Variants in TENM3 observed in about 807,000 individuals in gnomAD.
The protein encoded by TENM3 is teneurin transmembrane protein 3, also known as teneurin-3.
A neutral mutation model predicts 255.1 loss-of-function variants in TENM3; 63 were observed. The observed-to-expected ratio is 0.25, with a 90% CI of 0.20 to 0.30. TENM3 has a LOEUF of 0.30. TENM3 is among the 10% of genes least tolerant of loss of function. The pLI is 1.00. For synonymous variants in TENM3, 1,306 were observed against 1,322.3 expected (o/e 0.99, Z 0.27); for missense variants, 2,929 against 3,461.1 (o/e 0.85, Z 3.86).
chr4:181,496,977 A>G, the TENM3 span, among the ~76,000 whole-genome samples: 1 of 151,888 alleles, frequency 6.6e-6, no homozygotes, highest in African/African-American at 2.4e-5. Context: ...TTAGATTCCA[A>G]TTATAAAAGG....
chr4:182,283,034 T>C (rs1490939526), intron 1 of TENM3, among the ~76,000 whole-genome samples: 1 of 152,190 alleles, frequency 6.6e-6, no homozygotes, highest in African/African-American at 2.4e-5. Flanking sequence ...CGACAATTTC[T>C]AACAGTGAAA....
chr4:182,039,744 C>T, the TENM3 span, among the ~76,000 whole-genome samples: 1 of 151,720 alleles, frequency 6.6e-6, no homozygotes, highest in African/African-American at 2.4e-5. Context: ...TCCACAGATG[C>T]TTTATCTTAG....
chr4:182,634,951 T>G (rs1751722136), intron 5 of TENM3, among the ~76,000 whole-genome samples: 1 of 152,170 alleles, frequency 6.6e-6, no homozygotes, highest in Admixed American at 6.5e-5. Context: ...ATTGACGCAT[T>G]GCTACATGCA....
the TENM3 span, among the ~76,000 whole-genome samples, chr4:182,130,032 G>C: frequency 2.6e-5 from 4 of 152,144 alleles, no homozygotes; most frequent in Admixed American, 6.5e-5. Context: ...TAAAACGTCA[G>C]AATAGTTTAC....
chr4:181,686,854 T>C, the TENM3 span, among the ~76,000 whole-genome samples: 2 of 152,314 alleles, frequency 1.3e-5, no homozygotes, highest in South Asian at 4.1e-4. Flanking sequence ...GCTTGGCATG[T>C]ACTTTGCTGA....
chr4:182,497,302 C>G (rs1735870996), intron 3 of TENM3, among the ~76,000 whole-genome samples: 1 of 152,126 alleles, frequency 6.6e-6, no homozygotes, highest in Non-Finnish European at 1.5e-5. Flanking sequence ...CTGTCCGCCT[C>G]TACCTCCAAA....
chr4:182,422,096 C>G (rs77273927), intron 3 of TENM3, among the ~76,000 whole-genome samples: 2,071 of 152,294 alleles, frequency 0.014, 48 homozygotes, highest in African/African-American at 0.046. Flanking sequence ...TGTGTTAAAA[C>G]TATTTGTAAT....
chr4:182,097,237 TA>T, the TENM3 span, among the ~76,000 whole-genome samples: 241 of 152,282 alleles, frequency 1.6e-3, no homozygotes, highest in African/African-American at 5.5e-3. Flanking sequence ...TTAAAACTAA[TA>T]AAGCCCTTAG....
At chr4:182,050,222 A>G in the TENM3 span, among the ~76,000 whole-genome samples, 2 of 152,060 alleles carry the variant, frequency 1.3e-5, no homozygotes, top group East Asian at 3.9e-4. Context: ...CAAACTCCTG[A>G]CCTCGGGTGA....
chr4:181,789,598 G>T, the TENM3 span, among the ~76,000 whole-genome samples: 1 of 152,034 alleles, frequency 6.6e-6, no homozygotes, highest in Non-Finnish European at 1.5e-5. Flanking sequence ...CTTAGACTGG[G>T]CACCCCAGCT....
intron 1 of TENM3, among the ~76,000 whole-genome samples, chr4:182,292,193 G>A (rs975744209): frequency 6.6e-6 from 1 of 152,148 alleles, no homozygotes; most frequent in East Asian, 1.9e-4. Flanking sequence ...GTAAAAAAAT[G>A]TAGGATATTA....
At chr4:181,512,250 T>C in the TENM3 span, among the ~76,000 whole-genome samples, 1 of 152,186 alleles carries the variant, frequency 6.6e-6, no homozygotes, top group East Asian at 1.9e-4. Flanking sequence ...TTATGCTGTG[T>C]TGTGGTCATC....
At chr4:182,601,473 G>A (rs1210898741) in intron 4 of TENM3, among the ~76,000 whole-genome samples, 2 of 152,164 alleles carry the variant, frequency 1.3e-5, no homozygotes, top group Non-Finnish European at 2.9e-5. Flanking sequence ...GGACAGAGAT[G>A]TAAAATGTTA....
chr4:182,241,576 C>A (rs139563392), upstream of TENM3, among the ~76,000 whole-genome samples: 18 of 128,792 alleles, frequency 1.4e-4, no homozygotes, highest in East Asian at 3.2e-3. Context: ...TGCTATGCTG[C>A]GATCTTGGCT....
At chr4:182,717,495 ACT>A (rs1759300096) in intron 13 of TENM3, among the ~76,000 whole-genome samples, 1 of 152,044 alleles carries the variant, frequency 6.6e-6, no homozygotes, top group African/African-American at 2.4e-5. Flanking sequence ...AAAGGTCTCC[ACT>A]CTCTATGAAA....
chr4:181,625,490 G>A, the TENM3 span, among the ~76,000 whole-genome samples: 8 of 152,084 alleles, frequency 5.3e-5, no homozygotes, highest in Admixed American at 3.3e-4. Context: ...CCTGCACTTC[G>A]CAGTCTCTGA....
chr4:181,537,079 T>C, the TENM3 span, among the ~76,000 whole-genome samples: 1 of 152,152 alleles, frequency 6.6e-6, no homozygotes, highest in Admixed American at 6.5e-5. Context: ...ATATTTGTCT[T>C]TCCTAAGTGA....
At chr4:181,589,537 A>G in the TENM3 span, among the ~76,000 whole-genome samples, 2 of 152,170 alleles carry the variant, frequency 1.3e-5, no homozygotes, top group Non-Finnish European at 2.9e-5. Context: ...AAAGGAAGGA[A>G]AGACTATAAT....
the TENM3 span, among the ~76,000 whole-genome samples, chr4:182,111,328 C>G: frequency 6.6e-6 from 1 of 151,540 alleles, no homozygotes. Context: ...TACTCAGCTT[C>G]CAGAAGCAAT....
Sources: gnomAD v4.1 joint callset for allele counts (sites outside exome capture counted in the v4.1 genomes callset) on GRCh38, gnomAD v4.1.1 for gene constraint, MANE v1.5 for transcripts, NCBI Gene and HGNC (gene_info 2026-07-23, HGNC 2026-07-21) for gene names.